Variants in PIK3CB observed in about 807,000 individuals in gnomAD.
PIK3CB encodes the protein phosphatidylinositol 4,5-bisphosphate 3-kinase catalytic subunit beta isoform.
PIK3CB carries 39 observed loss-of-function variants against 136.8 expected under a neutral mutation model. The observed-to-expected ratio is 0.29, with a 90% CI of 0.22 to 0.37. The LOEUF is 0.37. Ranked by LOEUF, PIK3CB falls within the 10% of genes least tolerant of loss-of-function variation. PIK3CB has a pLI of 1.00. For synonymous variants in PIK3CB, 428 were observed against 436.6 expected (o/e 0.98, Z 0.25); for missense variants, 868 against 1,275.4 (o/e 0.68, Z 4.87).
intron 1 of PIK3CB, chr3:138,825,244 A>G (rs1933732383): frequency 2.8e-6 from 1 of 362,770 alleles, no homozygotes; most frequent in Non-Finnish European, 5.1e-6. Context: ...GACTTTATCA[A>G]TAACATGATT....
chr3:138,664,633 T>C (rs1426023933), intron 20 of PIK3CB, among the ~76,000 whole-genome samples: 1 of 152,220 alleles, frequency 6.6e-6, no homozygotes, highest in Non-Finnish European at 1.5e-5. Context: ...TATTAGTGCT[T>C]TTCTAACACC....
At chr3:138,813,002 T>C (rs201450625) in intron 1 of PIK3CB, among the ~76,000 whole-genome samples, 1 of 152,206 alleles carries the variant, frequency 6.6e-6, no homozygotes, top group African/African-American at 2.4e-5. Context: ...TTCGTGGCTG[T>C]GGTATCTTTC....
chr3:138,725,118 T>C (rs890400900), intron 8 of PIK3CB, among the ~76,000 whole-genome samples: 2 of 152,150 alleles, frequency 1.3e-5, no homozygotes, highest in Non-Finnish European at 2.9e-5. Flanking sequence ...TTCTATGCAA[T>C]ATATGCCCAG....
intron 2 of PIK3CB, among the ~76,000 whole-genome samples, chr3:138,795,809 C>T (rs1273025211): frequency 6.6e-6 from 1 of 152,128 alleles, no homozygotes. Context: ...CCTCTTTACT[C>T]TTCACTCCAC....
In PIK3CB at chr3:138,652,859, C is replaced by T; in HGVS notation, c.*2530G>A. 4.6e-6 allele frequency: 1 copy of T among 216,208 alleles called. No homozygotes were observed. The highest frequency in any genetic ancestry group is 9.3e-6 in the Non-Finnish European group (1 of 107,670). 13.4% of individuals were successfully genotyped at this position (216,208 alleles called of 1,614,324 possible). On this transcript the variant is annotated 3_prime_UTR_variant, in exon 24 of 24. Transcript: ENST00000674063. ...CCTGTATCAAAATATTCCATGTACC[C>T]CATATATATATCTACTATGTACTCA... is the stretch of plus-strand genomic sequence containing the variant.
chr3:138,692,424 G>A (rs1460770595), intron 14 of PIK3CB, among the ~76,000 whole-genome samples: 2 of 152,188 alleles, frequency 1.3e-5, no homozygotes, highest in African/African-American at 4.8e-5. Context: ...TCAGCCCAAG[G>A]AGAACCAGGT....
chr3:138,784,109 G>A (rs1029322690), intron 2 of PIK3CB, among the ~76,000 whole-genome samples: 2 of 152,120 alleles, frequency 1.3e-5, no homozygotes, highest in African/African-American at 4.8e-5. Context: ...ATGCTTATCC[G>A]GGCCAGGCAC....
At chr3:138,691,527 G>A (rs2044008103) in intron 14 of PIK3CB, among the ~76,000 whole-genome samples, 1 of 152,206 alleles carries the variant, frequency 6.6e-6, no homozygotes, top group African/African-American at 2.4e-5. Context: ...TCTCATGACA[G>A]TGAGTGAGTT....
At chr3:138,679,770 A>ATTATTG (rs1412098282) in intron 19 of PIK3CB, among the ~76,000 whole-genome samples, 1 of 148,076 alleles carries the variant, frequency 6.8e-6, no homozygotes, top group Non-Finnish European at 1.5e-5. Context: ...TATTATTATT[A>ATTATTG]TTATTATTGT....
intron 19 of PIK3CB, among the ~76,000 whole-genome samples, chr3:138,670,960 T>TA (rs34108488): frequency 2.0e-5 from 3 of 152,010 alleles, no homozygotes; most frequent in South Asian, 4.2e-4. Flanking sequence ...TTTCTTTTTT[T>TA]AAAAAAAAGG....
At chr3:138,755,264 T>A (rs2045544370) in intron 4 of PIK3CB, among the ~76,000 whole-genome samples, 1 of 152,226 alleles carries the variant, frequency 6.6e-6, no homozygotes, top group South Asian at 2.1e-4. Context: ...AATGTCTCCT[T>A]TAGTCAAGGA....
intron 4 of PIK3CB, among the ~76,000 whole-genome samples, chr3:138,753,742 G>A (rs1346321373): frequency 6.6e-6 from 1 of 151,970 alleles, no homozygotes; most frequent in Non-Finnish European, 1.5e-5. Context: ...GGAGGTTGAG[G>A]CTGCAGTGAG....
chr3:138,829,996 AAAAT>A (rs1211845465), intron 1 of PIK3CB, among the ~76,000 whole-genome samples: 4 of 152,154 alleles, frequency 2.6e-5, no homozygotes, highest in African/African-American at 9.6e-5. Context: ...TTCTCTACTA[AAAAT>A]AAATAAATAA....
intron 21 of PIK3CB, among the ~76,000 whole-genome samples, chr3:138,661,593 A>G (rs909380539): frequency 9.9e-5 from 15 of 152,236 alleles, no homozygotes; most frequent in African/African-American, 3.4e-4. Context: ...CTAAGTGTTT[A>G]ATGTGATTGG....
chr3:138,665,728 C>T (rs1044381543), intron 19 of PIK3CB, among the ~76,000 whole-genome samples: 3 of 151,830 alleles, frequency 2.0e-5, no homozygotes, highest in African/African-American at 7.3e-5. Context: ...GCCACCACGC[C>T]GGGCTAATTT....
chr3:138,675,372 T>TGA (rs556857163), intron 19 of PIK3CB, among the ~76,000 whole-genome samples: 28 of 151,674 alleles, frequency 1.8e-4, no homozygotes, highest in African/African-American at 6.8e-4. Context: ...AAGAAGGAGA[T>TGA]GAGAGAGAGA....
In PIK3CB at chr3:138,798,790, C is replaced by T. The variant is rs531224880; in HGVS notation, c.-121-2223G>A. On this transcript the variant is annotated intron_variant, in intron 1 of 23. Coordinates refer to ENST00000674063, the MANE Select transcript of PIK3CB (RefSeq NM_006219.3). ...GGAACTAAGACCTTAGCACTGCCCA[C>T]CTCACTGAAGTCATCAACCCAAGAT... 5.3e-5 allele frequency among the ~76,000 whole-genome samples: 8 copies of T among 152,204 alleles called. No individual in the cohort carries two copies. The South Asian group carries it at 1.5e-3, about 28-fold the overall frequency.
At chr3:138,670,161 G>A (rs568606193) in intron 19 of PIK3CB, among the ~76,000 whole-genome samples, 1 of 152,314 alleles carries the variant, frequency 6.6e-6, no homozygotes, top group East Asian at 1.9e-4. Context: ...AACTTCATTT[G>A]ATGCTAAATG....
At chr3:138,727,627 G>A (rs2044868771) in intron 8 of PIK3CB, among the ~76,000 whole-genome samples, 1 of 152,198 alleles carries the variant, frequency 6.6e-6, no homozygotes, top group Admixed American at 6.5e-5. Context: ...TGCAGCCAAA[G>A]TACACCTAGA....
Sources: gnomAD v4.1 joint callset for allele counts (sites outside exome capture counted in the v4.1 genomes callset) on GRCh38, gnomAD v4.1.1 for gene constraint, MANE v1.5 for transcripts, NCBI Gene and HGNC (gene_info 2026-07-23, HGNC 2026-07-21) for gene names.